Variants in PCBD2 observed in about 807,000 individuals in gnomAD.
PCBD2 encodes the protein pterin-4 alpha-carbinolamine dehydratase 2, also known as pterin-4-alpha-carbinolamine dehydratase 2.
PCBD2 carries 12 observed loss-of-function variants against 16.4 expected under a neutral mutation model. That is an observed-to-expected ratio of 0.73 (90% CI 0.47 to 1.19). PCBD2 has a LOEUF of 1.19. PCBD2 is among the 50% of genes most tolerant of loss of function. The pLI is 0.00. For synonymous variants in PCBD2, 58 were observed against 61.8 expected (o/e 0.94, Z 0.29); for missense variants, 138 against 156.8 (o/e 0.88, Z 0.64).
At chr5:134,957,482 G>T (rs1048084268) in intron 2 of PCBD2, among the ~76,000 whole-genome samples, 4 of 152,130 alleles carry the variant, frequency 2.6e-5, no homozygotes, top group Admixed American at 2.0e-4. Context: ...TTTAATGTGG[G>T]TTAACTCTAT....
intron 2 of PCBD2, among the ~76,000 whole-genome samples, chr5:134,916,278 A>G (rs1272486110): frequency 6.6e-6 from 1 of 152,180 alleles, no homozygotes; most frequent in Non-Finnish European, 1.5e-5. Flanking sequence ...CGAAAGTGTG[A>G]GACTATCTCA....
chr5:134,918,233 G>A (rs188663945), intron 2 of PCBD2, among the ~76,000 whole-genome samples: 3 of 152,298 alleles, frequency 2.0e-5, no homozygotes, highest in South Asian at 2.1e-4. Context: ...TGCTGGGCAT[G>A]GTGGCTCACA....
At chr5:134,911,558 A>T (rs1209550519) in intron 2 of PCBD2, among the ~76,000 whole-genome samples, 3 of 152,214 alleles carry the variant, frequency 2.0e-5, no homozygotes, top group Admixed American at 1.3e-4. Context: ...ATAACTCTCT[A>T]TTGTACCCAA....
intron 2 of PCBD2, among the ~76,000 whole-genome samples, chr5:134,912,654 T>C (rs1750782873): frequency 1.3e-5 from 2 of 152,238 alleles, no homozygotes; most frequent in African/African-American, 4.8e-5. Context: ...TGGTATTTTG[T>C]GGCTTGGACA....
At chr5:134,932,715 C>T (rs1166778168) in intron 2 of PCBD2, among the ~76,000 whole-genome samples, 3 of 152,050 alleles carry the variant, frequency 2.0e-5, no homozygotes, top group Non-Finnish European at 1.5e-5. Flanking sequence ...AATTCCTGGC[C>T]TCAAGCGATC....
chr5:134,910,478 A>T lies in PCBD2; in HGVS notation c.216+12A>T. ...ACAATTTTAATCAGGTAATTGTTATAAATTCTTGCTAGGGCTGTGGTCTAT... is the reference window on the plus strand; with the variant it reads ...ACAATTTTAATCAGGTAATTGTTATTAATTCTTGCTAGGGCTGTGGTCTAT... On this transcript the variant is annotated intron_variant, in intron 2 of 3. Transcript: ENST00000254908. The T allele has an allele frequency of 6.2e-7, 1 of 1,613,636 alleles. No individual in the cohort carries two copies. The highest frequency in any genetic ancestry group is 8.5e-7 in the Non-Finnish European group (1 of 1,179,650).
At chr5:134,936,061 T>C (rs948364656) in intron 2 of PCBD2, among the ~76,000 whole-genome samples, 54 of 152,282 alleles carry the variant, frequency 3.5e-4, no homozygotes, top group African/African-American at 1.2e-3. Context: ...GCTAAAATTA[T>C]AATTTAATAT....
chr5:134,938,739 A>G (rs913899115), intron 2 of PCBD2, among the ~76,000 whole-genome samples: 1 of 152,198 alleles, frequency 6.6e-6, no homozygotes, highest in African/African-American at 2.4e-5. Context: ...AAAAATATAT[A>G]CTTAGAATAC....
Position 134,959,883 on chromosome 5 carries a change from C to CTTTTTTTTT in PCBD2, c.298-686_298-678dup, listed in dbSNP as rs776164485. On this transcript the variant is annotated intron_variant, in intron 3 of 3. Transcript: ENST00000254908. ...CCCATTTCCCTAATTTAGAAATGTG[C>CTTTTTTTTT]TTTTTTTTTTTTTTTTTTTTTTTTT... Among the ~76,000 whole-genome samples the CTTTTTTTTT allele has an allele frequency of 3.0e-4, 22 of 73,022 alleles. 1 individual carries two copies. Among genetic ancestry groups the CTTTTTTTTT allele is most frequent in the East Asian group, 1.1e-3 (2 of 1,782 alleles). The allele number at this position is 73,022 out of a possible 152,430, so 47.9% of individuals were successfully genotyped here. A position where few individuals can be genotyped will look rare whatever the true frequency, so the allele number is the denominator to read the frequency against.
At position 134,926,672 on chromosome 5, in the gene PCBD2, G is replaced by A. The variant is rs17165784; in HGVS notation, c.216+16206G>A. 2,831 of 396,764 alleles carry A rather than the reference G, an allele frequency of 7.1e-3. 57 individuals carry two copies. The highest frequency in any genetic ancestry group is 0.053 in the African/African-American group (2,567 of 48,606). The allele number at this position is 396,764 out of a possible 1,614,324, so 24.6% of individuals were successfully genotyped here. On this transcript the variant is annotated intron_variant, in intron 2 of 3. Transcript: ENST00000254908. The stretch of plus-strand genomic sequence containing the variant: ...AACTATATTTACAGGAGGAAAACCC[G>A]GTAATGATATCGGGGTTGAGGGATA...
At chr5:134,957,533 G>GT (rs1314036044) in intron 2 of PCBD2, among the ~76,000 whole-genome samples, 4 of 152,186 alleles carry the variant, frequency 2.6e-5, no homozygotes, top group Non-Finnish European at 5.9e-5. Flanking sequence ...TGGGCATGGT[G>GT]GCATGCACCT....
chr5:134,908,763 A>G (rs1246334363), intron 1 of PCBD2: 1 of 152,138 alleles, frequency 6.6e-6, no homozygotes, highest in Non-Finnish European at 1.5e-5. Flanking sequence ...AAACTGATTT[A>G]TTAGTATTTT....
rs1750692522 is a variant in PCBD2, at chr5:134,906,500, A to G, written c.84+1277A>G. 1.3e-5 allele frequency among the ~76,000 whole-genome samples: 2 copies of G among 152,136 alleles called. 1 individual carries two copies. Among genetic ancestry groups the G allele is most frequent in the South Asian group, 4.1e-4 (2 of 4,828 alleles). On this transcript the variant is annotated intron_variant, in intron 1 of 3. Transcript: ENST00000254908. Reference sequence around the variant, plus strand: ...ATAGAAGAAATTTAAAATAGCTCGAAGACGGAGGAAGATAGGCACTCCGCC... The same window carrying G: ...ATAGAAGAAATTTAAAATAGCTCGAGGACGGAGGAAGATAGGCACTCCGCC...
intron 2 of PCBD2, among the ~76,000 whole-genome samples, chr5:134,954,056 C>T (rs1182964689): frequency 2.0e-5 from 3 of 152,004 alleles, no homozygotes; most frequent in Non-Finnish European, 2.9e-5. Flanking sequence ...TTCCTGGGCT[C>T]GACGGATCCC....
At chr5:134,954,136 T>A (rs745845596) in intron 2 of PCBD2, among the ~76,000 whole-genome samples, 1 of 152,134 alleles carries the variant, frequency 6.6e-6, no homozygotes. Flanking sequence ...TTTTAAAATT[T>A]TTTTTGTAGA....
intron 2 of PCBD2, among the ~76,000 whole-genome samples, chr5:134,956,099 T>C (rs1751412586): frequency 6.6e-6 from 1 of 152,190 alleles, no homozygotes; most frequent in Non-Finnish European, 1.5e-5. Flanking sequence ...GAAGAAGGAT[T>C]ATGGAATTGT....
chr5:134,941,215 G>C (rs2149537515), intron 2 of PCBD2, among the ~76,000 whole-genome samples: 1 of 150,758 alleles, frequency 6.6e-6, no homozygotes, highest in East Asian at 2.0e-4. Flanking sequence ...AGGATTTGAT[G>C]ATGATATCCT....
intron 2 of PCBD2, among the ~76,000 whole-genome samples, chr5:134,920,072 G>A (rs1309999650): frequency 6.6e-6 from 1 of 152,152 alleles, no homozygotes; most frequent in African/African-American, 2.4e-5. Context: ...GGTGGCTGAG[G>A]TTCTTCTTCC....
At chr5:134,914,922 C>T (rs1750809903) in intron 2 of PCBD2, among the ~76,000 whole-genome samples, 1 of 152,158 alleles carries the variant, frequency 6.6e-6, no homozygotes, top group South Asian at 2.1e-4. Flanking sequence ...ATCTGCCCGC[C>T]TCGGCCTACC....
Sources: gnomAD v4.1 joint callset for allele counts (sites outside exome capture counted in the v4.1 genomes callset) on GRCh38, gnomAD v4.1.1 for gene constraint, MANE v1.5 for transcripts, NCBI Gene and HGNC (gene_info 2026-07-23, HGNC 2026-07-21) for gene names.